SF3A1: variants seen among roughly 807,000 people sequenced by gnomAD.
The protein encoded by SF3A1 is SAP 114.
A neutral mutation model predicts 89.9 loss-of-function variants in SF3A1; 13 were observed. The ratio of observed to expected loss-of-function variants is 0.14; its 90% CI spans 0.09 to 0.23. The LOEUF is 0.23. Ranked by LOEUF, SF3A1 falls within the 10% of genes least tolerant of loss-of-function variation. SF3A1 has a pLI of 1.00. For synonymous variants in SF3A1, 405 were observed against 374.4 expected (o/e 1.08, Z -0.94); for missense variants, 604 against 1,022.1 (o/e 0.59, Z 5.58).
At position 30,332,004 on chromosome 22, in the gene SF3A1, T is replaced by C. The variant is rs1930933753; in HGVS notation, c.*2590A>G. 1 of 152,238 alleles carries C rather than the reference T, an allele frequency of 6.6e-6. No individual in the cohort carries two copies. The highest frequency in any genetic ancestry group is 1.5e-5 in the Non-Finnish European group (1 of 68,042). 9.4% of individuals were successfully genotyped at this position (152,238 alleles called of 1,614,324 possible). On this transcript the variant is annotated 3_prime_UTR_variant, in exon 16 of 16. Transcript: ENST00000215793. Reference sequence around the variant, plus strand: ...TCATAACTCTTAAGATCTTACATTTTGCTTTTATTTTTAAAAAGTAAACTT... The same window carrying C: ...TCATAACTCTTAAGATCTTACATTTCGCTTTTATTTTTAAAAAGTAAACTT...
intron 15 of SF3A1, 144 bp downstream of exon 15, chr22:30,335,323 C>G: frequency 1.4e-6 from 1 of 737,520 alleles, no homozygotes; most frequent in East Asian, 2.5e-5. Flanking sequence ...CACTCCCAGC[C>G]AGCATCATGA....
rs1487543189 is a variant in SF3A1, at chr22:30,347,925, T to A, written c.186-1406A>T. 2.0e-5 allele frequency among the ~76,000 whole-genome samples: 3 copies of A among 152,346 alleles called. No individual in the cohort carries two copies. The South Asian group carries it at 6.2e-4, about 32-fold the overall frequency. On this transcript the variant is annotated intron_variant, in intron 2 of 15. Coordinates refer to ENST00000215793, the MANE Select transcript of SF3A1 (RefSeq NM_005877.6). ...GGTACAATCTCAGCTCACTGCAACC[T>A]CCACCTCCTGGGCTCAAGGGATCCT...
At chr22:30,336,400 C>G (rs1931067563) in intron 13 of SF3A1, among the ~76,000 whole-genome samples, 1 of 152,156 alleles carries the variant, frequency 6.6e-6, no homozygotes, top group Admixed American at 6.5e-5. Flanking sequence ...TGGTGCACAC[C>G]TGTAATCCCA....
chr22:30,341,855 T>A lies in SF3A1; in HGVS notation c.908A>T (p.Glu303Val). ...GNFPPPTTPE[E>V]LGARILIQER... Reference sequence around the variant, plus strand: ...CTGAATGAGGATTCGGGCCCCCAGCTCCTCTGGCGTGGTGGGGGGAGGGAA... The same window carrying A: ...CTGAATGAGGATTCGGGCCCCCAGCACCTCTGGCGTGGTGGGGGGAGGGAA... The change falls in exon 7 of 16, where the codon GAG (glutamate) becomes GTG (valine). Residue 303 changes from glutamate to valine, a missense_variant. This residue lies in a region of SF3A1 where 146 missense variants were observed against 228.5 expected (regional missense o/e 0.64). Transcript: ENST00000215793. The A allele has an allele frequency of 1.2e-6, 2 of 1,613,518 alleles. No individual in the cohort carries two copies. Among genetic ancestry groups the A allele is most frequent in the Non-Finnish European group, 1.7e-6 (2 of 1,179,976 alleles).
chr22:30,335,618 T>C (rs776039037), intron 14 of SF3A1, 34 bp downstream of exon 14: 2 of 1,611,342 alleles, frequency 1.2e-6, no homozygotes, highest in African/African-American at 1.3e-5. Context: ...TTGGTTCCCA[T>C]GCACCTGATG....
chr22:30,335,084 A>G (rs756367379), intron 15 of SF3A1, among the ~76,000 whole-genome samples: 1 of 152,196 alleles, frequency 6.6e-6, no homozygotes, highest in Non-Finnish European at 1.5e-5. Flanking sequence ...TAATGCCTCC[A>G]TGTGACCTGG....
Position 30,335,758 on chromosome 22 carries a change from A to C in SF3A1, c.2107-5T>G. 1 of 1,612,922 alleles carries C rather than the reference A, an allele frequency of 6.2e-7. No homozygotes were observed. Among genetic ancestry groups the C allele is most frequent in the Non-Finnish European group, 8.5e-7 (1 of 1,178,866 alleles). ...GACTTTGATGGACACTGGACCCTAC[A>C]AAACAGGAGGTGGTCATTATGCCTA... On this transcript the variant is annotated splice_region_variant and splice_polypyrimidine_tract_variant and intron_variant, in intron 13 of 15. Transcript: ENST00000215793.
rs1002697927 is a variant in SF3A1 at position 30,337,596 on chromosome 22, C to G, written c.1951+94G>C. On this transcript the variant is annotated intron_variant, in intron 12 of 15. Coordinates refer to ENST00000215793, the MANE Select transcript of SF3A1 (RefSeq NM_005877.6). ...CTCTGGGCTGGATACCCTGCTGGAA[C>G]AGCTGGCACTAGCATCAGCCACTGC... is the stretch of plus-strand genomic sequence containing the variant. 43 of 741,524 alleles carry G rather than the reference C, an allele frequency of 5.8e-5. No homozygotes were observed. The African/African-American group carries it at 7.3e-4, about 13-fold the overall frequency. The allele number at this position is 741,524 out of a possible 1,614,324, so 45.9% of individuals were successfully genotyped here.
intron 1 of SF3A1, 170 bp downstream of exon 1, chr22:30,356,560 G>A: frequency 4.2e-6 from 2 of 473,760 alleles, no homozygotes; most frequent in Non-Finnish European, 7.0e-6. Context: ...ATCCCGTTCA[G>A]GGTGGCTCAT....
rs764678526 is a variant in SF3A1, at chr22:30,341,903, G to A, written c.878-18C>T. Reference sequence around the variant, plus strand: ...GAAGTTCCCTAGAGGGTGAGCCAGAGGCAAAGGTATTCCTTATCAAAGACC... The same window carrying A: ...GAAGTTCCCTAGAGGGTGAGCCAGAAGCAAAGGTATTCCTTATCAAAGACC... On this transcript the variant is annotated intron_variant, in intron 6 of 15. Coordinates refer to ENST00000215793, the MANE Select transcript of SF3A1 (RefSeq NM_005877.6). 123 of 1,606,730 alleles carry A rather than the reference G, an allele frequency of 7.7e-5. 1 individual carries two copies. Among genetic ancestry groups the A allele is most frequent in the Admixed American group, 1.8e-4 (11 of 59,864 alleles).
At chr22:30,347,941 A>C (rs1457375466) in intron 2 of SF3A1, among the ~76,000 whole-genome samples, 1 of 152,218 alleles carries the variant, frequency 6.6e-6, no homozygotes, top group African/African-American at 2.4e-5. Flanking sequence ...TCCTGGGCTC[A>C]AGGGATCCTC....
chr22:30,356,516 T>C (rs1170038631), intron 1 of SF3A1: 1 of 403,508 alleles, frequency 2.5e-6, no homozygotes, highest in Non-Finnish European at 4.4e-6. Flanking sequence ...TCCCGGCTCG[T>C]GCCGACGGGG....
chr22:30,335,573 G>A (rs1569169311), intron 14 of SF3A1, 35 bp from the exon 15 acceptor site: 2 of 1,613,206 alleles, frequency 1.2e-6, no homozygotes, highest in African/African-American at 1.3e-5. Flanking sequence ...CAACTCCTTG[G>A]TAAGGCCAGC....
rs1930936063 is a variant in SF3A1, at chr22:30,332,092, A to C, written c.*2502T>G. The C allele has an allele frequency of 6.6e-6, 1 of 152,206 alleles. No homozygotes were observed. The highest frequency in any genetic ancestry group is 2.4e-5 in the African/African-American group (1 of 41,434). 9.4% of individuals were successfully genotyped at this position (152,206 alleles called of 1,614,324 possible). Reference sequence around the variant, plus strand: ...AGAGCTATATTATGCTTTCTTGTCTAATTACAGGGATAAATGAAATATGAT... The same window carrying C: ...AGAGCTATATTATGCTTTCTTGTCTCATTACAGGGATAAATGAAATATGAT... On this transcript the variant is annotated 3_prime_UTR_variant, in exon 16 of 16. Transcript: ENST00000215793.
intron 9 of SF3A1, 30 bp from the exon 10 acceptor site, chr22:30,339,281 T>C (rs760101518): frequency 3.1e-6 from 5 of 1,611,738 alleles, no homozygotes; most frequent in Middle Eastern, 1.7e-4. Flanking sequence ...AGGCAGAGGA[T>C]AGAAAGAGAA....
In SF3A1 at chr22:30,337,897, T is replaced by C. The variant is rs376714043; in HGVS notation, c.1744A>G (p.Met582Val). The change falls in exon 12 of 16, where the codon ATG becomes GTG. Residue 582 changes from methionine to valine, a missense_variant and splice_region_variant. Coordinates refer to ENST00000215793, the MANE Select transcript of SF3A1 (RefSeq NM_005877.6). The stretch of plus-strand genomic sequence containing the variant: ...ACTGTAGTACGAACTGGAGGTGGCA[T>C]CTGTGCAGGAAAGAGACCCACAGAT... ...PITSVPRPPT[M>V]PPPVRTTVVS... The C allele has an allele frequency of 1.1e-5, 18 of 1,599,930 alleles. No individual in the cohort carries two copies. The highest frequency in any genetic ancestry group is 1.5e-5 in the Non-Finnish European group (18 of 1,174,342).
chr22:30,340,451 A>C, intron 8 of SF3A1, 70 bp from the exon 9 acceptor site: 11 of 1,450,728 alleles, frequency 7.6e-6, no homozygotes, highest in Non-Finnish European at 1.1e-5. Flanking sequence ...GTGGTATTTC[A>C]TGCGTGCATC....
intron 2 of SF3A1, among the ~76,000 whole-genome samples, chr22:30,349,874 G>T (rs1453292633): frequency 6.6e-6 from 1 of 150,644 alleles, no homozygotes; most frequent in Non-Finnish European, 1.5e-5. Flanking sequence ...CCAAGTCCTG[G>T]GTTCAAGCGA....
intron 1 of SF3A1, among the ~76,000 whole-genome samples, chr22:30,353,427 A>T (rs1931660635): frequency 6.6e-6 from 1 of 152,216 alleles, no homozygotes. Flanking sequence ...GAGAAAAGGG[A>T]GAAAGCAAAA....
Sources: gnomAD v4.1 joint callset for allele counts (sites outside exome capture counted in the v4.1 genomes callset) on GRCh38, gnomAD v4.1.1 for gene constraint, gnomAD v4.1.1 regional missense constraint, MANE v1.5 for transcripts, NCBI Gene and HGNC (gene_info 2026-07-23, HGNC 2026-07-21) for gene names.